Variants in SIPA1L1 observed in about 807,000 individuals in gnomAD.
The protein encoded by SIPA1L1 is signal-induced proliferation-associated 1-like protein 1.
In SIPA1L1, 26 loss-of-function variants were observed where a neutral mutation model predicts 162.7. That is an observed-to-expected ratio of 0.16 (90% CI 0.12 to 0.22). SIPA1L1 has a LOEUF of 0.22. Ranked by LOEUF, SIPA1L1 falls within the 10% of genes least tolerant of loss-of-function variation. The pLI, the probability that SIPA1L1 is intolerant of heterozygous loss-of-function variation, is 1.00. For synonymous variants in SIPA1L1, 829 were observed against 837.4 expected, an observed-to-expected ratio of 0.99 and a Z score of 0.17; for missense variants, 1,874 against 2,241.0, an observed-to-expected ratio of 0.84 and a Z score of 3.31.
chr14:71,643,839 A>T (rs1355512511), intron 7 of SIPA1L1, among the ~76,000 whole-genome samples: 1 of 152,068 alleles, frequency 6.6e-6, no homozygotes, highest in Non-Finnish European at 1.5e-5. Context: ...ATGGAGTCTC[A>T]CTCTGTCGCC....
chr14:71,634,310 G>A (rs1020999968), intron 7 of SIPA1L1, among the ~76,000 whole-genome samples: 1 of 150,706 alleles, frequency 6.6e-6, no homozygotes, highest in African/African-American at 2.4e-5. Flanking sequence ...GCTGAGGCAG[G>A]AGAATTGCTT....
chr14:71,562,705 A>G (rs9806101), intron 4 of SIPA1L1, among the ~76,000 whole-genome samples: 4,872 of 152,230 alleles, frequency 0.032, 272 homozygotes, highest in African/African-American at 0.11. Flanking sequence ...TCTTAATTTA[A>G]TCAGGAAATT....
Position 71,325,458 on chromosome 14 carries a change from C to T in SIPA1L1, c.-465+4277C>T, listed in dbSNP as rs150372483. On this transcript the variant is annotated intron_variant, in intron 2 of 23. Coordinates refer to ENST00000381232, the MANE Select transcript of SIPA1L1 (RefSeq NM_001386936.1). ...AAACATGGATGATTTGCATAAGGGA[C>T]AGAGCAACACAGTGATTTGGTTTGT... is the stretch of plus-strand genomic sequence containing the variant. Among the ~76,000 whole-genome samples the T allele has an allele frequency of 1.1e-4, 17 of 152,184 alleles. No individual in the cohort carries two copies. In the East Asian group the frequency reaches 3.1e-3, roughly 28 times the overall value.
intron 10 of SIPA1L1, 105 bp from the exon 11 acceptor site, chr14:71,671,014 A>AT (rs1337109455): frequency 1.1e-6 from 1 of 875,916 alleles, no homozygotes; most frequent in Middle Eastern, 2.4e-4. Flanking sequence ...ATAAGCAGCT[A>AT]TTTTGTATCT....
At chr14:71,723,049 C>A (rs2083890527) in intron 17 of SIPA1L1, among the ~76,000 whole-genome samples, 1 of 152,230 alleles carries the variant, frequency 6.6e-6, no homozygotes, top group Non-Finnish European at 1.5e-5. Flanking sequence ...GTTTTGTAAT[C>A]TTTAACCAAT....
chr14:71,505,743 C>T (rs932252185), intron 2 of SIPA1L1, among the ~76,000 whole-genome samples: 2 of 151,878 alleles, frequency 1.3e-5, no homozygotes, highest in African/African-American at 2.4e-5. Flanking sequence ...AACATGATGC[C>T]GCACGTGGAA....
intron 2 of SIPA1L1, among the ~76,000 whole-genome samples, chr14:71,453,090 T>C (rs1395913624): frequency 6.6e-6 from 1 of 152,190 alleles, no homozygotes; most frequent in East Asian, 1.9e-4. Context: ...TTTAAAGTTA[T>C]CTATCTGTTT....
intron 2 of SIPA1L1, among the ~76,000 whole-genome samples, chr14:71,354,856 A>G (rs1275884042): frequency 6.6e-6 from 1 of 152,230 alleles, no homozygotes; most frequent in African/African-American, 2.4e-5. Flanking sequence ...TAAGTGCACT[A>G]TAAATTGTTT....
intron 2 of SIPA1L1, among the ~76,000 whole-genome samples, chr14:71,462,160 G>A (rs991846722): frequency 3.9e-5 from 6 of 152,216 alleles, no homozygotes; most frequent in Non-Finnish European, 7.3e-5. Context: ...ATAGTCAAAT[G>A]TTCAGTTTCC....
chr14:71,518,913 C>T (rs1482772774), intron 3 of SIPA1L1, among the ~76,000 whole-genome samples: 2 of 152,088 alleles, frequency 1.3e-5, no homozygotes, highest in Non-Finnish European at 1.5e-5. Context: ...TACATGGCGG[C>T]GGCAAGAGAA....
At chr14:71,335,961 T>C (rs1258673655) in intron 2 of SIPA1L1, among the ~76,000 whole-genome samples, 2 of 152,208 alleles carry the variant, frequency 1.3e-5, no homozygotes, top group African/African-American at 4.8e-5. Context: ...TTTTGGTCAA[T>C]TGTAACAACT....
At chr14:71,334,635 CTCT>C (rs1285701236) in intron 2 of SIPA1L1, among the ~76,000 whole-genome samples, 1 of 152,122 alleles carries the variant, frequency 6.6e-6, no homozygotes, top group African/African-American at 2.4e-5. Context: ...AGAAAAATGG[CTCT>C]TATCTTTCTC....
chr14:71,615,123 G>A (rs146718658), intron 5 of SIPA1L1, among the ~76,000 whole-genome samples: 222 of 152,144 alleles, frequency 1.5e-3, no homozygotes, highest in Non-Finnish European at 2.5e-3. Context: ...GTCATACTTC[G>A]GATGAGACCT....
At chr14:71,593,188 GTTATTTATTTATTTATTTAT>G (rs60160795) in intron 5 of SIPA1L1, among the ~76,000 whole-genome samples, 1 of 146,906 alleles carries the variant, frequency 6.8e-6, no homozygotes, top group Non-Finnish European at 1.5e-5. Context: ...TGTGTTTTGT[GTTATTTATTTATTTATTTAT>G]TTATTTATTT....
chr14:71,384,975 G>A (rs564209474), intron 2 of SIPA1L1, among the ~76,000 whole-genome samples: 11 of 152,144 alleles, frequency 7.2e-5, no homozygotes, highest in Admixed American at 2.6e-4. Flanking sequence ...AGGGTTAATC[G>A]GACTTGTGGA....
chr14:71,440,829 C>T (rs2044789545), intron 2 of SIPA1L1, among the ~76,000 whole-genome samples: 1 of 151,856 alleles, frequency 6.6e-6, no homozygotes, highest in Non-Finnish European at 1.5e-5. Context: ...CTTGGAGTGC[C>T]TAATCAAAGA....
intron 4 of SIPA1L1, among the ~76,000 whole-genome samples, chr14:71,549,353 C>A (rs967738700): frequency 1.3e-5 from 2 of 151,912 alleles, no homozygotes; most frequent in Non-Finnish European, 2.9e-5. Flanking sequence ...TCTTGTTCTC[C>A]CTAGCCATGA....
intron 17 of SIPA1L1, among the ~76,000 whole-genome samples, chr14:71,723,015 C>T (rs1015922268): frequency 2.6e-5 from 4 of 152,242 alleles, no homozygotes; most frequent in Non-Finnish European, 4.4e-5. Flanking sequence ...GGATTACAGG[C>T]GTAAGCCACC....
At chr14:71,462,685 A>G (rs997949813) in intron 2 of SIPA1L1, among the ~76,000 whole-genome samples, 21 of 152,276 alleles carry the variant, frequency 1.4e-4, no homozygotes, top group African/African-American at 3.6e-4. Context: ...CTGGCATGCA[A>G]ATATCTCCCC....
Sources: allele counts gnomAD v4.1 joint callset (sites outside exome capture counted in the v4.1 genomes callset), GRCh38; gene constraint gnomAD v4.1.1; transcripts MANE v1.5; gene names NCBI Gene and HGNC (gene_info 2026-07-23, HGNC 2026-07-21).